Variants in DIP2B observed in about 807,000 individuals in gnomAD.
The protein encoded by DIP2B is disco-interacting protein 2 homolog B.
DIP2B carries 76 observed loss-of-function variants against 198.0 expected under a neutral mutation model. The ratio of observed to expected loss-of-function variants is 0.38; its 90% confidence interval spans 0.32 to 0.46. The LOEUF (loss-of-function observed/expected upper bound fraction) is 0.46, where lower values mean the gene tolerates loss of function less well. Ranked by LOEUF, DIP2B falls within the 20% of genes least tolerant of loss-of-function variation. The pLI is 0.99. For synonymous variants in DIP2B, 701 were observed against 739.1 expected, an observed-to-expected ratio of 0.95 and a Z score of 0.84; for missense variants, 1,559 against 1,978.4, an observed-to-expected ratio of 0.79 and a Z score of 4.02.
chr12:50,571,548 G>GTT (rs71083600), intron 1 of DIP2B, among the ~76,000 whole-genome samples: 5,516 of 85,764 alleles, frequency 0.064, 568 homozygotes, highest in African/African-American at 0.1. Flanking sequence ...AAACCTAGGC[G>GTT]TTTTTTTTTT....
At chr12:50,699,483 A>C (rs559516438) in intron 19 of DIP2B, among the ~76,000 whole-genome samples, 30 of 152,214 alleles carry the variant, frequency 2.0e-4, no homozygotes, top group Non-Finnish European at 3.1e-4. Flanking sequence ...ATGTTTTATA[A>C]AGTGCTTAGA....
intron 33 of DIP2B, among the ~76,000 whole-genome samples, chr12:50,734,778 A>G (rs1397198867): frequency 6.6e-6 from 1 of 152,164 alleles, no homozygotes; most frequent in African/African-American, 2.4e-5. Flanking sequence ...TTGCCACCCT[A>G]GAGGAGATTT....
At chr12:50,610,959 C>T (rs1959026782) in intron 1 of DIP2B, among the ~76,000 whole-genome samples, 1 of 152,008 alleles carries the variant, frequency 6.6e-6, no homozygotes, top group South Asian at 2.1e-4. Flanking sequence ...CCACCACCTC[C>T]AGCTAATTTT....
At chr12:50,704,739 C>T (rs960950795) in intron 20 of DIP2B, among the ~76,000 whole-genome samples, 2 of 151,994 alleles carry the variant, frequency 1.3e-5, no homozygotes, top group African/African-American at 4.8e-5. Context: ...CCGAGGTGGG[C>T]GGATCACCTG....
intron 3 of DIP2B, among the ~76,000 whole-genome samples, chr12:50,642,369 A>G (rs775293477): frequency 7.9e-5 from 12 of 152,260 alleles, no homozygotes; most frequent in Non-Finnish European, 1.5e-4. Flanking sequence ...TCAGCAGAGC[A>G]GTAACATCAT....
intron 23 of DIP2B, among the ~76,000 whole-genome samples, chr12:50,717,817 G>T (rs1243410213): frequency 6.6e-6 from 1 of 150,940 alleles, no homozygotes. Context: ...CAAACTCCTC[G>T]GCTCAAGTGA....
chr12:50,694,673 A>T (rs1178423609), intron 14 of DIP2B, among the ~76,000 whole-genome samples: 2 of 54,248 alleles, frequency 3.7e-5, no homozygotes, highest in Admixed American at 1.8e-4. Context: ...TTTTTTTTTT[A>T]AAGCATATGC....
At chr12:50,649,463 GATTAC>G (rs1438902634) in intron 3 of DIP2B, among the ~76,000 whole-genome samples, 6 of 152,174 alleles carry the variant, frequency 3.9e-5, no homozygotes, top group African/African-American at 9.7e-5. Context: ...ATACAATAAA[GATTAC>G]ATTACTAATC....
chr12:50,522,948 T>A (rs768240919), intron 1 of DIP2B, among the ~76,000 whole-genome samples: 1 of 152,170 alleles, frequency 6.6e-6, no homozygotes, highest in Non-Finnish European at 1.5e-5. Flanking sequence ...GAGAAAAATA[T>A]TTTATTTATA....
intron 7 of DIP2B, 29 bp from the exon 8 acceptor site, chr12:50,678,650 T>A: frequency 1.2e-6 from 2 of 1,603,878 alleles, no homozygotes. Flanking sequence ...TTTGTACTCA[T>A]TTCACTCATT....
chr12:50,540,807 G>T (rs1460532050), intron 1 of DIP2B, among the ~76,000 whole-genome samples: 4 of 151,560 alleles, frequency 2.6e-5, no homozygotes, highest in Non-Finnish European at 5.9e-5. Context: ...AAAGTGCTGG[G>T]ATTACAGGCG....
intron 37 of DIP2B, among the ~76,000 whole-genome samples, chr12:50,742,130 G>A (rs1340706108): frequency 2.0e-5 from 3 of 151,998 alleles, no homozygotes; most frequent in Admixed American, 6.6e-5. Flanking sequence ...GGCCACAGTG[G>A]CTCACATCTA....
intron 5 of DIP2B, among the ~76,000 whole-genome samples, chr12:50,672,451 T>C (rs1938871799): frequency 6.6e-6 from 1 of 152,176 alleles, no homozygotes; most frequent in South Asian, 2.1e-4. Context: ...GTTGCTGAGG[T>C]TTTATTTCCA....
intron 2 of DIP2B, among the ~76,000 whole-genome samples, chr12:50,628,599 C>T (rs1937982272): frequency 6.6e-6 from 1 of 152,164 alleles, no homozygotes; most frequent in Non-Finnish European, 1.5e-5. Context: ...GTCACTCTCT[C>T]AGCCATATTC....
At chr12:50,708,359 G>A (rs545296349) in intron 21 of DIP2B, 89 bp from the exon 22 acceptor site, 81 of 1,147,490 alleles carry the variant, frequency 7.1e-5, no homozygotes, top group Non-Finnish European at 9.7e-5. Flanking sequence ...AGCATGGTGG[G>A]GTTGTCTCCT....
chr12:50,600,524 C>T (rs1054512673), intron 1 of DIP2B, among the ~76,000 whole-genome samples: 3 of 152,040 alleles, frequency 2.0e-5, no homozygotes, highest in African/African-American at 4.8e-5. Context: ...GTGCACCTGG[C>T]CTGGGATTAC....
chr12:50,595,845 G>A (rs75881760), intron 1 of DIP2B, among the ~76,000 whole-genome samples: 1,661 of 152,242 alleles, frequency 0.011, 38 homozygotes, highest in African/African-American at 0.038. Context: ...CCTCTGGCAC[G>A]TGACCTCCTG....
intron 16 of DIP2B, among the ~76,000 whole-genome samples, chr12:50,696,204 C>T (rs1280795235): frequency 6.6e-6 from 1 of 152,228 alleles, no homozygotes; most frequent in Non-Finnish European, 1.5e-5. Flanking sequence ...CATTTTTCCT[C>T]CTGCCCCAGC....
intron 1 of DIP2B, among the ~76,000 whole-genome samples, chr12:50,588,492 G>A (rs1320618513): frequency 2.6e-5 from 4 of 152,190 alleles, no homozygotes; most frequent in Non-Finnish European, 4.4e-5. Flanking sequence ...GAGATTGGGG[G>A]TTCCCCTGTA....
Sources: allele counts gnomAD v4.1 joint callset (sites outside exome capture counted in the v4.1 genomes callset), GRCh38; gene constraint gnomAD v4.1.1; transcripts MANE v1.5; gene names NCBI Gene and HGNC (gene_info 2026-07-23, HGNC 2026-07-21).